TPST2: variants seen among roughly 807,000 people sequenced by gnomAD.
The protein encoded by TPST2 is tyrosylprotein sulfotransferase 2.
TPST2 carries 16 observed loss-of-function variants against 27.8 expected under a neutral mutation model. The observed-to-expected ratio is 0.58, with a 90% CI of 0.39 to 0.88. The LOEUF is 0.88. TPST2 is among the 40% of genes least tolerant of loss of function. The pLI is 0.00. For synonymous variants in TPST2, 229 were observed against 231.7 expected (o/e 0.99, Z 0.10); for missense variants, 464 against 543.1 (o/e 0.85, Z 1.45).
chr22:26,557,236 C>T (rs9613205), intron 1 of TPST2, among the ~76,000 whole-genome samples: 3 of 152,206 alleles, frequency 2.0e-5, no homozygotes, highest in Non-Finnish European at 4.4e-5. Context: ...AGCAAACATC[C>T]GCAGTGGATG....
intron 1 of TPST2, among the ~76,000 whole-genome samples, chr22:26,559,941 AC>A (rs1259058276): frequency 6.6e-6 from 1 of 152,160 alleles, no homozygotes; most frequent in Non-Finnish European, 1.5e-5. Flanking sequence ...GGTGTGACAG[AC>A]CGGGTATAGA....
intron 1 of TPST2, among the ~76,000 whole-genome samples, chr22:26,553,536 T>C (rs1289440273): frequency 6.6e-6 from 1 of 151,958 alleles, no homozygotes; most frequent in East Asian, 1.9e-4. Context: ...CCATGCCCAG[T>C]TAATTTTTTA....
intron 1 of TPST2, chr22:26,555,242 A>G (rs1388869217): frequency 3.8e-6 from 2 of 532,404 alleles, no homozygotes; most frequent in African/African-American, 1.9e-5. Context: ...GGCTGGTGCA[A>G]AAGTAATGCA....
intron 1 of TPST2, among the ~76,000 whole-genome samples, chr22:26,554,061 C>T (rs761394237): frequency 6.6e-6 from 1 of 152,072 alleles, no homozygotes; most frequent in Non-Finnish European, 1.5e-5. Flanking sequence ...TATTATTAGC[C>T]ACGTTTTACA....
chr22:26,579,903 A>G (rs1436706322), intron 1 of TPST2, among the ~76,000 whole-genome samples: 1 of 128,796 alleles, frequency 7.8e-6, no homozygotes, highest in Non-Finnish European at 1.6e-5. Flanking sequence ...GAAAGACGTG[A>G]GTTGGGGGGA....
Position 26,569,064 on chromosome 22 carries a change from T to C in TPST2, c.-161+20989A>G, listed in dbSNP as rs574026132. On this transcript the variant is annotated intron_variant, in intron 1 of 6. Coordinates refer to ENST00000338754, the MANE Select transcript of TPST2 (RefSeq NM_003595.5). ...ATTTTCAGTAGAGACGGGCTTTCACTGTGTTAGCCAGGATGGTCTCGATCT... is the reference window on the plus strand; with the variant it reads ...ATTTTCAGTAGAGACGGGCTTTCACCGTGTTAGCCAGGATGGTCTCGATCT... Among the ~76,000 whole-genome samples the C allele has an allele frequency of 1.4e-4, 22 of 152,074 alleles. No individual in the cohort carries two copies. The East Asian group carries it at 4.1e-3, about 28-fold the overall frequency.
At position 26,523,490 on chromosome 22, in the gene TPST2, TG is replaced by T. The variant is rs1472620117; in HGVS notation, c.*2784del. On this transcript the variant is annotated 3_prime_UTR_variant, in exon 7 of 7. Coordinates refer to ENST00000338754, the MANE Select transcript of TPST2 (RefSeq NM_003595.5). Reference sequence around the variant, plus strand: ...TCAGATCAAATCAGGGGAGATGAAATGAGAGTGGATTCTGAGCCTAGTTTTT... The same window carrying T: ...TCAGATCAAATCAGGGGAGATGAAATAGAGTGGATTCTGAGCCTAGTTTTT... The T allele has an allele frequency of 3.3e-5, 5 of 152,302 alleles. No individual in the cohort carries two copies. The highest frequency in any genetic ancestry group is 1.2e-4 in the African/African-American group (5 of 41,570). 9.4% of individuals were successfully genotyped at this position (152,302 alleles called of 1,614,324 possible). A position where few individuals can be genotyped will look rare whatever the true frequency, so the allele number is the denominator to read the frequency against.
intron 1 of TPST2, among the ~76,000 whole-genome samples, chr22:26,570,322 T>C (rs1927582473): frequency 6.6e-6 from 1 of 152,132 alleles, no homozygotes; most frequent in African/African-American, 2.4e-5. Flanking sequence ...CTTCAGCCTC[T>C]GATCATGCCA....
intron 5 of TPST2, among the ~76,000 whole-genome samples, chr22:26,529,001 CA>C (rs148806627): frequency 2.0e-5 from 3 of 147,128 alleles, no homozygotes; most frequent in East Asian, 2.0e-4. Flanking sequence ...AAAACAAAAA[CA>C]AAAAAAAAAC....
chr22:26,536,625 G>T, intron 3 of TPST2, 139 bp from the exon 4 acceptor site: 1 of 711,712 alleles, frequency 1.4e-6, no homozygotes, highest in Non-Finnish European at 2.1e-6. Context: ...TCAACTGTGA[G>T]ATGGCAGGTG....
intron 1 of TPST2, among the ~76,000 whole-genome samples, chr22:26,547,809 C>A (rs1049076088): frequency 6.6e-6 from 1 of 152,134 alleles, no homozygotes; most frequent in Non-Finnish European, 1.5e-5. Flanking sequence ...AATGAGACTG[C>A]CTCAAAACAA....
rs1031202175 is a variant in TPST2 at position 26,525,461 on chromosome 22, G to T, written c.*814C>A. The T allele has an allele frequency of 6.6e-6, 1 of 152,230 alleles. No individual in the cohort carries two copies. The highest frequency in any genetic ancestry group is 1.5e-5 in the Non-Finnish European group (1 of 68,060). The allele number at this position is 152,230 out of a possible 1,614,324, so 9.4% of individuals were successfully genotyped here. Reference sequence around the variant, plus strand: ...ACTCCTGACCTCAGGCGATCTGCCTGCCTTGGCCTCCCAAAGTGCTGGGAT... The same window carrying T: ...ACTCCTGACCTCAGGCGATCTGCCTTCCTTGGCCTCCCAAAGTGCTGGGAT... On this transcript the variant is annotated 3_prime_UTR_variant, in exon 7 of 7. Coordinates refer to ENST00000338754, the MANE Select transcript of TPST2 (RefSeq NM_003595.5).
chr22:26,588,327 C>A (rs965274771), intron 1 of TPST2, among the ~76,000 whole-genome samples: 1 of 152,080 alleles, frequency 6.6e-6, no homozygotes, highest in Non-Finnish European at 1.5e-5. Context: ...TATGAAATGT[C>A]CAGCACAGGC....
intron 2 of TPST2, among the ~76,000 whole-genome samples, chr22:26,542,135 G>A (rs1015886577): frequency 2.6e-5 from 4 of 151,712 alleles, no homozygotes; most frequent in Non-Finnish European, 5.9e-5. Context: ...CCAGCTACTC[G>A]GGAGGCTGCG....
chr22:26,586,508 C>T (rs1021337398), intron 1 of TPST2, among the ~76,000 whole-genome samples: 20 of 152,130 alleles, frequency 1.3e-4, no homozygotes, highest in African/African-American at 3.9e-4. Context: ...CCTCAGCCTC[C>T]AAAAGTGCTG....
rs377318302 is a variant in TPST2 at position 26,536,239 on chromosome 22, G to T, written c.1041+49C>A. 5.0e-6 allele frequency: 8 copies of T among 1,599,538 alleles called. No homozygotes were observed. The African/African-American group carries it at 8.0e-5, about 16-fold the overall frequency. On this transcript the variant is annotated intron_variant, in intron 4 of 6. Transcript: ENST00000338754. The stretch of plus-strand genomic sequence containing the variant: ...GGCTGGAGTTTCCACATCTGCAGAA[G>T]CCCCATATCCCCAAGAGTACACTTC...
At chr22:26,569,540 T>C (rs1387117405) in intron 1 of TPST2, among the ~76,000 whole-genome samples, 1 of 152,124 alleles carries the variant, frequency 6.6e-6, no homozygotes, top group East Asian at 1.9e-4. Flanking sequence ...ACCAACACTT[T>C]GGGAGGCTGA....
At chr22:26,532,213 G>C (rs983051233) in intron 5 of TPST2, among the ~76,000 whole-genome samples, 7 of 152,240 alleles carry the variant, frequency 4.6e-5, no homozygotes, top group African/African-American at 1.7e-4. Context: ...GGGCCACTGA[G>C]ATGTGGCCCC....
intron 1 of TPST2, among the ~76,000 whole-genome samples, chr22:26,572,914 G>C (rs546701035): frequency 6.6e-6 from 1 of 152,098 alleles, no homozygotes; most frequent in African/African-American, 2.4e-5. Flanking sequence ...AGTGAAAAAA[G>C]AATGCGTTTT....
Sources: allele counts gnomAD v4.1 joint callset (sites outside exome capture counted in the v4.1 genomes callset), GRCh38; gene constraint gnomAD v4.1.1; transcripts MANE v1.5; gene names NCBI Gene and HGNC (gene_info 2026-07-23, HGNC 2026-07-21).